Variants in ARHGEF2 observed in about 807,000 individuals in gnomAD.
ARHGEF2 encodes rho guanine nucleotide exchange factor 2.
A neutral mutation model predicts 121.0 loss-of-function variants in ARHGEF2; 22 were observed. The observed-to-expected ratio is 0.18, with a 90% CI of 0.13 to 0.26. The LOEUF (loss-of-function observed/expected upper bound fraction) is 0.26, where lower values mean the gene tolerates loss of function less well. Ranked by LOEUF, ARHGEF2 falls within the 10% of genes least tolerant of loss-of-function variation. The pLI, the probability that ARHGEF2 is intolerant of heterozygous loss-of-function variation, is 1.00. For synonymous variants in ARHGEF2, 487 were observed against 530.0 expected, an observed-to-expected ratio of 0.92 and a Z score of 1.11; for missense variants, 907 against 1,336.0, an observed-to-expected ratio of 0.68 and a Z score of 5.01.
Position 155,965,234 on chromosome 1 carries a change from C to T in ARHGEF2, c.580+69G>A. ...CCCTCCTTGTCCTTCCAGGCTACTC[C>T]CACCAGCCTCTCATCCCCCAGCCCC... is the stretch of plus-strand genomic sequence containing the variant. On this transcript the variant is annotated intron_variant, in intron 6 of 21. Transcript: ENST00000361247. The surrounding 1 kb of genome is among the most constrained non-coding windows in gnomAD (Gnocchi z 6.0). The T allele has an allele frequency of 6.2e-7, 1 of 1,604,290 alleles. No homozygotes were observed. Among genetic ancestry groups the T allele is most frequent in the Non-Finnish European group, 8.5e-7 (1 of 1,171,580 alleles).
At chr1:155,955,118 CCTT>C (rs1310224942) in intron 13 of ARHGEF2, 149 bp from the exon 14 acceptor site, 1 of 615,208 alleles carries the variant, frequency 1.6e-6, no homozygotes, top group Non-Finnish European at 2.8e-6. Flanking sequence ...TTAGTCCTGA[CCTT>C]CTCCCTTTTC....
chr1:155,958,437 G>T, intron 11 of ARHGEF2, 41 bp from the exon 12 acceptor site: 1 of 1,517,754 alleles, frequency 6.6e-7, no homozygotes, highest in Non-Finnish European at 9.1e-7. Context: ...AGCACTAGAC[G>T]GTCTGAGCAG....
In ARHGEF2 at chr1:155,950,813, C is replaced by T. The variant is rs1675278111; in HGVS notation, c.2703+16G>A. ...ATGTCCACCCCAGGTCCATTCACCA[C>T]TGCAGGCCACCTTACCTGTGGGGGG... On this transcript the variant is annotated intron_variant, in intron 20 of 21. Transcript: ENST00000361247. This position sits in a 1 kb window ranked among gnomAD's most constrained non-coding sequence, Gnocchi z 5.2. 3.3e-6 allele frequency: 5 copies of T among 1,517,916 alleles called. No individual in the cohort carries two copies. The highest frequency in any genetic ancestry group is 2.3e-5 in the East Asian group (1 of 43,930). 94.0% of individuals were successfully genotyped at this position (1,517,916 alleles called of 1,614,324 possible). A position where few individuals can be genotyped will look rare whatever the true frequency, so the allele number is the denominator to read the frequency against.
chr1:155,954,085 C>T (rs12039053), intron 14 of ARHGEF2, among the ~76,000 whole-genome samples: 122,380 of 150,874 alleles, frequency 0.81, 51,806 homozygotes, highest in East Asian at 0.94. Flanking sequence ...CCTCAGCCTC[C>T]CGAGTAGCCA....
chr1:155,950,629 C>G lies in ARHGEF2; in HGVS notation c.2704-147G>C. 1.0e-6 allele frequency: 1 copy of G among 1,003,986 alleles called. No individual in the cohort carries two copies. Among genetic ancestry groups the G allele is most frequent in the Non-Finnish European group, 1.5e-6 (1 of 682,748 alleles). 62.2% of individuals were successfully genotyped at this position (1,003,986 alleles called of 1,614,324 possible). A position where few individuals can be genotyped will look rare whatever the true frequency, so the allele number is the denominator to read the frequency against. ...AGATCCACCACCAACTGGCCTCTTT[C>G]AGCACCACGACCCGAGTTAATTTCC... On this transcript the variant is annotated intron_variant, in intron 20 of 21. Coordinates refer to ENST00000361247, the MANE Select transcript of ARHGEF2 (RefSeq NM_001162383.2). This position sits in a 1 kb window ranked among gnomAD's most constrained non-coding sequence, Gnocchi z 5.2.
Position 155,962,375 on chromosome 1 carries a change from TTG to T in ARHGEF2, c.1102-155_1102-154del. 9.8e-7 allele frequency: 1 copy of T among 1,021,950 alleles called. No homozygotes were observed. The allele number at this position is 1,021,950 out of a possible 1,614,324, so 63.3% of individuals were successfully genotyped here. On this transcript the variant is annotated intron_variant, in intron 9 of 21. Coordinates refer to ENST00000361247, the MANE Select transcript of ARHGEF2 (RefSeq NM_001162383.2). This position sits in a 1 kb window ranked among gnomAD's most constrained non-coding sequence, Gnocchi z 5.8. Reference sequence around the variant, plus strand: ...TGGGGATAACAACGCCACAGGTTTGTTGTGAGGACCAACTGAAGGAGCAAAAA... The same window carrying T: ...TGGGGATAACAACGCCACAGGTTTGTTGAGGACCAACTGAAGGAGCAAAAA...
chr1:155,962,880 C>T lies in ARHGEF2; in HGVS notation c.975+53G>A. 1 of 1,609,516 alleles carries T rather than the reference C, an allele frequency of 6.2e-7. No homozygotes were observed. Among genetic ancestry groups the T allele is most frequent in the South Asian group, 1.1e-5 (1 of 90,640 alleles). Reference sequence around the variant, plus strand: ...GAATTTGGACCCAAGAAATGCCCAACCCAGTCACACCTCCTTCCATGAATG... The same window carrying T: ...GAATTTGGACCCAAGAAATGCCCAATCCAGTCACACCTCCTTCCATGAATG... On this transcript the variant is annotated intron_variant, in intron 8 of 21. Transcript: ENST00000361247. The surrounding 1 kb of genome is among the most constrained non-coding windows in gnomAD (Gnocchi z 5.8).
intron 3 of ARHGEF2, 131 bp from the exon 4 acceptor site, chr1:155,966,610 G>C (rs1679427165): frequency 9.0e-7 from 1 of 1,110,630 alleles, no homozygotes; most frequent in South Asian, 1.3e-5. Context: ...AAGGGGATCA[G>C]GGTGATTGAG....
At chr1:155,977,200 GA>G (rs1681450461) in intron 1 of ARHGEF2, among the ~76,000 whole-genome samples, 1 of 152,154 alleles carries the variant, frequency 6.6e-6, no homozygotes, top group South Asian at 2.1e-4. Flanking sequence ...TCTGGGCTGG[GA>G]CCTGTCCTTT....
At chr1:155,954,607 GGAA>G (rs1676295302) in intron 14 of ARHGEF2, among the ~76,000 whole-genome samples, 1 of 38,290 alleles carries the variant, frequency 2.6e-5, no homozygotes, top group Non-Finnish European at 1.0e-4. Context: ...CCTTTTTTAA[GGAA>G]GAAGATTTTT....
At chr1:155,967,333 A>G (rs917343074) in intron 2 of ARHGEF2, among the ~76,000 whole-genome samples, 3 of 152,148 alleles carry the variant, frequency 2.0e-5, no homozygotes, top group African/African-American at 7.2e-5. Flanking sequence ...CTTTTATAAT[A>G]GTAAATGTTC....
chr1:155,955,703 T>C (rs1676509963), intron 13 of ARHGEF2, among the ~76,000 whole-genome samples: 1 of 152,208 alleles, frequency 6.6e-6, no homozygotes, highest in South Asian at 2.1e-4. Context: ...CAATTAATAT[T>C]ATTAATTTCC....
At position 155,950,393 on chromosome 1, in the gene ARHGEF2, C is replaced by G. The variant is rs781169040; in HGVS notation, c.2793G>C (p.Gly931=). 6.2e-7 allele frequency: 1 copy of G among 1,614,082 alleles called. No individual in the cohort carries two copies. The highest frequency in any genetic ancestry group is 8.5e-7 in the Non-Finnish European group (1 of 1,180,042). Residue 931 remains glycine (G), a synonymous_variant, in exon 21 of 22, where the codon GGG becomes GGC. Transcript: ENST00000361247. This position sits in a 1 kb window ranked among gnomAD's most constrained non-coding sequence, Gnocchi z 5.2. ...TGTCTTGCAGCCGCTCTTCGGGGCT[C>G]CCCAGTTCCTGCCTCTCTCGGTCCT... is the stretch of plus-strand genomic sequence containing the variant. ...NFEDRERQEL[G]SPEERLQDSS...
In ARHGEF2 at chr1:155,962,226, C is replaced by CA; in HGVS notation, c.1102-5dup. 1 of 1,613,616 alleles carries CA rather than the reference C, an allele frequency of 6.2e-7. No individual in the cohort carries two copies. The highest frequency in any genetic ancestry group is 8.5e-7 in the Non-Finnish European group (1 of 1,179,782). The stretch of plus-strand genomic sequence containing the variant: ...GCACGGCGGGGCGGGTCACTTTCTA[C>CA]AAGGGAGGAGGCAGGGCTCAGGGCC... On this transcript the variant is annotated splice_polypyrimidine_tract_variant and splice_region_variant and intron_variant, in intron 9 of 21. Transcript: ENST00000361247. This position sits in a 1 kb window ranked among gnomAD's most constrained non-coding sequence, Gnocchi z 5.8.
At position 155,951,324 on chromosome 1, in the gene ARHGEF2, A is replaced by G; in HGVS notation, c.2260-52T>C. ...TTTATCAGAACCCCTGTGCTCTTCT[A>G]CCCCTCGCCTTCACCCTCCAAGGCC... On this transcript the variant is annotated intron_variant, in intron 19 of 21. Coordinates refer to ENST00000361247, the MANE Select transcript of ARHGEF2 (RefSeq NM_001162383.2). The surrounding 1 kb of genome is among the most constrained non-coding windows in gnomAD (Gnocchi z 5.1). 1 of 1,565,362 alleles carries G rather than the reference A, an allele frequency of 6.4e-7. No individual in the cohort carries two copies. Among genetic ancestry groups the G allele is most frequent in the Non-Finnish European group, 8.7e-7 (1 of 1,151,544 alleles).
Position 155,962,435 on chromosome 1 carries a change from A to G in ARHGEF2, c.1101+158T>C. ...GGAAACTACCACAACGTGCTCTAGC[A>G]TTCTGAGGGGTTACTGCTGACAGGA... is the stretch of plus-strand genomic sequence containing the variant. On this transcript the variant is annotated intron_variant, in intron 9 of 21. Transcript: ENST00000361247. The surrounding 1 kb of genome is among the most constrained non-coding windows in gnomAD (Gnocchi z 5.8). 8.5e-7 allele frequency: 1 copy of G among 1,181,750 alleles called. No individual in the cohort carries two copies. Among genetic ancestry groups the G allele is most frequent in the East Asian group, 2.4e-5 (1 of 42,540 alleles). The allele number at this position is 1,181,750 out of a possible 1,614,324, so 73.2% of individuals were successfully genotyped here. A position where few individuals can be genotyped will look rare whatever the true frequency, so the allele number is the denominator to read the frequency against.
Position 155,948,003 on chromosome 1 carries a change from A to G in ARHGEF2, c.2900T>C (p.Met967Thr). The change falls in exon 22 of 22, where the codon ATG becomes ACG. Residue 967 changes from methionine to threonine, a missense_variant. Physicochemically the swap from Met to Thr is moderately conservative, Grantham distance 81. This residue lies in a region of ARHGEF2 where 432 missense variants were observed against 559.5 expected (regional missense o/e 0.77). Transcript: ENST00000361247. The stretch of plus-strand genomic sequence containing the variant: ...CTCCGTCTCCTCCGGGATGTCCTGC[A>G]TTCTGGTAAAGTCTGAAGGGGGACA... Reference protein sequence around the residue: ...PPHSPRDFTRMQDIPEETESR... With the variant: ...PPHSPRDFTRTQDIPEETESR... 1 of 1,551,240 alleles carries G rather than the reference A, an allele frequency of 6.4e-7. No individual in the cohort carries two copies. Among genetic ancestry groups the G allele is most frequent in the Non-Finnish European group, 8.7e-7 (1 of 1,146,782 alleles).
Position 155,978,006 on chromosome 1 carries a change from G to A in ARHGEF2, c.63+359C>T, listed in dbSNP as rs1365260913. ...GGGGCCCGGGGTGAGAGGAGGTGCCGGAGCTTCCACCGCCCCCACCCGCGA... is the reference window on the plus strand; with the variant it reads ...GGGGCCCGGGGTGAGAGGAGGTGCCAGAGCTTCCACCGCCCCCACCCGCGA... On this transcript the variant is annotated intron_variant, in intron 1 of 21. Coordinates refer to ENST00000361247, the MANE Select transcript of ARHGEF2 (RefSeq NM_001162383.2). The surrounding 1 kb of genome is among the most constrained non-coding windows in gnomAD (Gnocchi z 4.1). 13 of 914,954 alleles carry A rather than the reference G, an allele frequency of 1.4e-5. No homozygotes were observed. The highest frequency in any genetic ancestry group is 1.7e-5 in the Non-Finnish European group (13 of 751,372). 56.7% of individuals were successfully genotyped at this position (914,954 alleles called of 1,614,324 possible).
At chr1:155,970,200 C>A in intron 1 of ARHGEF2, 4 of 985,532 alleles carry the variant, frequency 4.1e-6, no homozygotes, top group Non-Finnish European at 2.4e-6. Context: ...CATCTACCCT[C>A]CATCCTTCAG....
Sources: allele counts gnomAD v4.1 joint callset (sites outside exome capture counted in the v4.1 genomes callset), GRCh38; gene constraint gnomAD v4.1.1; regional missense constraint gnomAD v4.1.1; non-coding constraint Gnocchi (gnomAD v3.1); transcripts MANE v1.5; gene names NCBI Gene and HGNC (gene_info 2026-07-23, HGNC 2026-07-21).